DROSHA: variants seen among roughly 807,000 people sequenced by gnomAD.
DROSHA encodes ribonuclease 3.
Under a neutral mutation model 181.9 loss-of-function variants are expected in DROSHA, and 56 were observed. The ratio of observed to expected loss-of-function variants is 0.31; its 90% confidence interval spans 0.25 to 0.38. The LOEUF is 0.38. Among genes scored for constraint, DROSHA ranks in the 10% least tolerant of loss-of-function variants. The pLI is 1.00. For missense variants in DROSHA, 1,218 were observed against 1,743.5 expected (o/e 0.70, Z 5.37); for synonymous variants, 524 against 591.2 (o/e 0.89, Z 1.65).
intron 16 of DROSHA, among the ~76,000 whole-genome samples, chr5:31,481,621 A>G (rs1432960530): frequency 2.0e-5 from 3 of 152,248 alleles, no homozygotes; most frequent in African/African-American, 7.2e-5. Context: ...AAAGGAGAAA[A>G]GCCTTTGAAT....
At chr5:31,530,589 C>T (rs569602434) in intron 3 of DROSHA, among the ~76,000 whole-genome samples, 2 of 143,404 alleles carry the variant, frequency 1.4e-5, no homozygotes, top group South Asian at 4.4e-4. Context: ...CAGATCGCGC[C>T]ATTGCACTCC....
intron 11 of DROSHA, among the ~76,000 whole-genome samples, chr5:31,503,544 G>A (rs1381915118): frequency 6.6e-6 from 1 of 152,212 alleles, no homozygotes; most frequent in Non-Finnish European, 1.5e-5. Context: ...TCCCAAGGTT[G>A]TGCCCTTCCT....
chr5:31,449,125 A>C (rs1746661736), intron 22 of DROSHA, among the ~76,000 whole-genome samples, 156 bp downstream of exon 22: 1 of 150,146 alleles, frequency 6.7e-6, no homozygotes, highest in African/African-American at 2.5e-5. Flanking sequence ...ACAGAGTGAG[A>C]CCCTGTCTCA....
intron 30 of DROSHA, among the ~76,000 whole-genome samples, chr5:31,416,068 T>C (rs1032092263): frequency 3.9e-5 from 6 of 152,192 alleles, no homozygotes; most frequent in Admixed American, 1.3e-4. Context: ...GAAAGCCATA[T>C]TACATTTGCT....
chr5:31,403,839 T>C (rs114883787), intron 35 of DROSHA, among the ~76,000 whole-genome samples: 305 of 152,346 alleles, frequency 2.0e-3, no homozygotes, highest in African/African-American at 6.8e-3. Flanking sequence ...CCCTGGGATA[T>C]ACCACAATTT....
At chr5:31,510,865 C>T (rs960706883) in intron 9 of DROSHA, among the ~76,000 whole-genome samples, 170 bp downstream of exon 9, 29 of 152,108 alleles carry the variant, frequency 1.9e-4, no homozygotes, top group African/African-American at 4.8e-4. Context: ...AGGAAAAATA[C>T]GATCAAAAAG....
intron 13 of DROSHA, among the ~76,000 whole-genome samples, chr5:31,489,603 G>A (rs947823989): frequency 3.9e-5 from 6 of 152,134 alleles, no homozygotes; most frequent in African/African-American, 1.4e-4. Flanking sequence ...TAATATAAAT[G>A]ACTACCATCA....
chr5:31,471,127 A>C (rs1330950559), intron 17 of DROSHA, among the ~76,000 whole-genome samples: 1 of 152,238 alleles, frequency 6.6e-6, no homozygotes, highest in Admixed American at 6.5e-5. Context: ...AAGAATCCAT[A>C]CTAGCCAGAA....
chr5:31,439,375 G>A (rs980466614), intron 23 of DROSHA, among the ~76,000 whole-genome samples: 2 of 152,126 alleles, frequency 1.3e-5, no homozygotes, highest in Admixed American at 6.5e-5. Context: ...CAGATCGATT[G>A]TCATAGTATC....
At chr5:31,406,740 C>A in intron 34 of DROSHA, 113 bp downstream of exon 34, 1 of 968,680 alleles carries the variant, frequency 1.0e-6, no homozygotes, top group Non-Finnish European at 1.5e-6. Flanking sequence ...TACTCTTGAA[C>A]ATTTTATTCT....
At chr5:31,432,277 A>G (rs1022851037) in intron 25 of DROSHA, among the ~76,000 whole-genome samples, 1 of 152,024 alleles carries the variant, frequency 6.6e-6, no homozygotes, top group Admixed American at 6.6e-5. Flanking sequence ...GACTACAGGC[A>G]CCTGCCACCA....
intron 5 of DROSHA, among the ~76,000 whole-genome samples, chr5:31,522,828 T>C (rs1740046926): frequency 6.6e-6 from 1 of 152,230 alleles, no homozygotes; most frequent in Admixed American, 6.5e-5. Flanking sequence ...CATCTGCCTG[T>C]AGCAATTTCT....
intron 29 of DROSHA, chr5:31,421,934 A>ATG (rs1218217911): frequency 1.8e-5 from 2 of 111,530 alleles, no homozygotes; most frequent in African/African-American, 8.0e-5. Context: ...GTGTGTGTGT[A>ATG]TATAAATTAG....
chr5:31,503,900 T>C (rs1448484468), intron 11 of DROSHA, among the ~76,000 whole-genome samples: 1 of 152,228 alleles, frequency 6.6e-6, no homozygotes, highest in Non-Finnish European at 1.5e-5. Flanking sequence ...CAAACAAGTT[T>C]TAAATAGAAA....
chr5:31,454,736 C>A (rs1297904242), intron 20 of DROSHA, among the ~76,000 whole-genome samples: 1 of 151,786 alleles, frequency 6.6e-6, no homozygotes, highest in Non-Finnish European at 1.5e-5. Context: ...GTCAGGAGAT[C>A]GAGATCATCC....
At chr5:31,498,872 G>A (rs1189977160) in intron 11 of DROSHA, among the ~76,000 whole-genome samples, 2 of 151,604 alleles carry the variant, frequency 1.3e-5, no homozygotes, top group South Asian at 2.1e-4. Context: ...AAAAAAAGAC[G>A]AGAAAAGGCA....
intron 28 of DROSHA, chr5:31,423,189 T>G (rs551239076): frequency 3.4e-6 from 1 of 292,904 alleles, no homozygotes; most frequent in African/African-American, 2.2e-5. Flanking sequence ...TGTACACAGA[T>G]AGTTCAAAAT....
intron 5 of DROSHA, among the ~76,000 whole-genome samples, chr5:31,523,976 CAAAAAAAAAAA>C (rs10718385): frequency 9.5e-6 from 1 of 105,080 alleles, no homozygotes; most frequent in Non-Finnish European, 1.8e-5. Context: ...ACTTTGTCTC[CAAAAAAAAAAA>C]AAAAAAAACA....
At chr5:31,531,693 A>G (rs1193143289) in intron 1 of DROSHA, among the ~76,000 whole-genome samples, 168 bp from the exon 2 acceptor site, 1 of 152,172 alleles carries the variant, frequency 6.6e-6, no homozygotes, top group Non-Finnish European at 1.5e-5. Flanking sequence ...GCCAGACGGT[A>G]CGCCCCACGA....
Sources: gnomAD v4.1 joint callset for allele counts (sites outside exome capture counted in the v4.1 genomes callset) on GRCh38, gnomAD v4.1.1 for gene constraint, MANE v1.5 for transcripts, NCBI Gene and HGNC (gene_info 2026-07-23, HGNC 2026-07-21) for gene names.